The following PLB1 variants were observed in gnomAD, a reference collection of about 807,000 sequenced individuals.
PLB1 encodes phospholipase B1, membrane-associated.
PLB1 carries 242 observed loss-of-function variants against 227.4 expected under a neutral mutation model. That is an observed-to-expected ratio of 1.06 (90% CI 0.96 to 1.18). The LOEUF is 1.18. Among genes scored for constraint, PLB1 ranks in the 50% most tolerant of loss-of-function variants. PLB1 has a pLI of 0.00. For synonymous variants in PLB1, 757 were observed against 682.2 expected (o/e 1.11, Z -1.71); for missense variants, 1,858 against 1,816.3 (o/e 1.02, Z -0.42).
chr2:28,522,609 G>A (rs941046050), intron 4 of PLB1, among the ~76,000 whole-genome samples: 4 of 152,168 alleles, frequency 2.6e-5, no homozygotes, highest in South Asian at 4.1e-4. Flanking sequence ...TCCGCCCAGC[G>A]TTGGTCTCTA....
At chr2:28,578,765 AGT>A (rs1485851018) in intron 22 of PLB1, among the ~76,000 whole-genome samples, 3 of 152,164 alleles carry the variant, frequency 2.0e-5, no homozygotes, top group African/African-American at 4.8e-5. Flanking sequence ...GATTAGGATG[AGT>A]TATGTTATAT....
chr2:28,602,116 CAAGGA>C, intron 38 of PLB1, 152 bp downstream of exon 38: 6 of 737,824 alleles, frequency 8.1e-6, no homozygotes, highest in Non-Finnish European at 1.3e-5. Context: ...GGTCTAACCC[CAAGGA>C]AACCTTATTT....
intron 22 of PLB1, 80 bp downstream of exon 22, chr2:28,578,238 G>T (rs959246487): frequency 9.7e-6 from 14 of 1,440,948 alleles, no homozygotes; most frequent in African/African-American, 1.4e-5. Context: ...GGATGGTTGG[G>T]AGCCCGGCTT....
At chr2:28,531,538 C>T (rs1445616969) in intron 8 of PLB1, among the ~76,000 whole-genome samples, 2 of 152,130 alleles carry the variant, frequency 1.3e-5, no homozygotes. Context: ...CTCGAACTCC[C>T]AACCTCAGGT....
rs1200570620 is a variant in PLB1 at position 28,625,148 on chromosome 2, T to A, written c.3579+40T>A. The A allele has an allele frequency of 4.4e-6, 7 of 1,581,798 alleles. No individual in the cohort carries two copies. The African/African-American group carries it at 8.1e-5, about 18-fold the overall frequency. Reference sequence around the variant, plus strand: ...CCAGGCCACCCCTGAAAGGTGCCCATCTCCTGCTGGCTGGGGAGGGGACAG... The same window carrying A: ...CCAGGCCACCCCTGAAAGGTGCCCAACTCCTGCTGGCTGGGGAGGGGACAG... On this transcript the variant is annotated intron_variant, in intron 50 of 57. Coordinates refer to ENST00000327757, the MANE Select transcript of PLB1 (RefSeq NM_153021.5).
chr2:28,541,799 A>G lies in PLB1; in HGVS notation c.867A>G (p.Pro289=), dbSNP rs1260921068. The G allele has an allele frequency of 6.2e-7, 1 of 1,611,692 alleles. No homozygotes were observed. The change falls in exon 13 of 58, where the codon CCA becomes CCG. Residue 289 remains proline, a synonymous_variant. Transcript: ENST00000327757. ...AGCCTTTCTTCTATGAGACCACCCC[A>G]TCTCTACACTCGGTAAGTGGGGGCT... The part of the protein sequence containing the change: ...VFQPFFYETT[P]SLHSEDPRLQ...
At chr2:28,597,327 C>G (rs183537506) in intron 33 of PLB1, among the ~76,000 whole-genome samples, 1 of 149,550 alleles carries the variant, frequency 6.7e-6, no homozygotes, top group African/African-American at 2.5e-5. Flanking sequence ...GAAAAAGAGA[C>G]ACAGAAGAAA....
Position 28,593,711 on chromosome 2 carries a change from G to C in PLB1, c.2278G>C (p.Asp760His), listed in dbSNP as rs772130117. 6.2e-7 allele frequency: 1 copy of C among 1,614,056 alleles called. No individual in the cohort carries two copies. The highest frequency in any genetic ancestry group is 8.5e-7 in the Non-Finnish European group (1 of 1,180,006). The change falls in exon 33 of 58, where the codon GAC (aspartate) becomes CAC (histidine). Residue 760 changes from aspartate to histidine, a missense_variant. Coordinates refer to ENST00000327757, the MANE Select transcript of PLB1 (RefSeq NM_153021.5). ...CAATGGAATTGGCTCCAAACCAGACGACCTCCCCGATGTCACCACACAGTA... is the reference window on the plus strand; with the variant it reads ...CAATGGAATTGGCTCCAAACCAGACCACCTCCCCGATGTCACCACACAGTA... ...AGNGIGSKPD[D>H]LPDVTTQYRG...
intron 23 of PLB1, 139 bp downstream of exon 23, chr2:28,579,846 C>G (rs1209988816): frequency 1.4e-6 from 1 of 695,188 alleles, no homozygotes; most frequent in Non-Finnish European, 2.6e-6. Flanking sequence ...CTGGGATGAA[C>G]CCTGAGACTG....
chr2:28,551,336 C>T (rs1236038949), intron 16 of PLB1, among the ~76,000 whole-genome samples: 1 of 152,208 alleles, frequency 6.6e-6, no homozygotes, highest in Admixed American at 6.5e-5. Context: ...TTAGGCAGGG[C>T]ACCCTGCACT....
Position 28,621,647 on chromosome 2 carries a change from C to T in PLB1, c.3527+669C>T, listed in dbSNP as rs193002481. Among the ~76,000 whole-genome samples, 123 of 152,130 alleles carry T rather than the reference C, an allele frequency of 8.1e-4. 1 individual carries two copies. Among genetic ancestry groups the T allele is most frequent in the Non-Finnish European group, 1.3e-3 (87 of 68,036 alleles). On this transcript the variant is annotated intron_variant, in intron 49 of 57. Transcript: ENST00000327757. The stretch of plus-strand genomic sequence containing the variant: ...GCCTTGTAGAAGGATCACTATGCTC[C>T]GATCACCAGGGAAACGACACTGGCT...
intron 32 of PLB1, 138 bp downstream of exon 32, chr2:28,592,857 GC>G: frequency 1.4e-6 from 1 of 725,210 alleles, no homozygotes; most frequent in Non-Finnish European, 2.2e-6. Context: ...CCAAGAGCAT[GC>G]CAGTTATTTG....
intron 43 of PLB1, among the ~76,000 whole-genome samples, chr2:28,608,099 C>T (rs1011657367): frequency 2.0e-5 from 3 of 152,190 alleles, no homozygotes; most frequent in Non-Finnish European, 4.4e-5. Flanking sequence ...CCCTTCTAGA[C>T]AGAGCCCAAT....
chr2:28,540,338 C>G (rs1672308308), intron 11 of PLB1, 28 bp from the exon 12 acceptor site: 1 of 1,605,228 alleles, frequency 6.2e-7, no homozygotes, highest in Admixed American at 1.7e-5. Context: ...CCTCCCCTCT[C>G]TCATTCCTGG....
chr2:28,618,509 A>G, intron 46 of PLB1, 110 bp downstream of exon 46: 1 of 1,127,128 alleles, frequency 8.9e-7, no homozygotes, highest in South Asian at 1.3e-5. Context: ...AGCCCGTGTT[A>G]CTGAGGGCCT....
chr2:28,637,298 T>TAA (rs373053880), intron 56 of PLB1, among the ~76,000 whole-genome samples: 32,911 of 120,768 alleles, frequency 0.27, 4,133 homozygotes, highest in Non-Finnish European at 0.33. Flanking sequence ...TGTCTCAAAT[T>TAA]TAAAAAAAAA....
intron 7 of PLB1, 83 bp downstream of exon 7, chr2:28,529,490 C>A: frequency 8.2e-7 from 1 of 1,214,946 alleles, no homozygotes; most frequent in Non-Finnish European, 1.2e-6. Context: ...GGGGGGCTGG[C>A]AAAGTCAAAG....
At position 28,640,971 on chromosome 2, in the gene PLB1, C is replaced by T; in HGVS notation, c.4143C>T (p.His1381=). 5 of 1,613,934 alleles carry T rather than the reference C, an allele frequency of 3.1e-6. No individual in the cohort carries two copies. The highest frequency in any genetic ancestry group is 4.2e-6 in the Non-Finnish European group (5 of 1,179,904). ...GRKTTSNNFT[H]SRAKLKCPSP... ...AGACTACCTCCAACAACTTCACCCA[C>T]AGCCGAGCCAAACTCAAGTGCCCCT... The change falls in exon 57 of 58, where the codon CAC becomes CAT. Residue 1381 remains histidine (H), a synonymous_variant. Coordinates refer to ENST00000327757, the MANE Select transcript of PLB1 (RefSeq NM_153021.5).
In PLB1 at chr2:28,582,447, G is replaced by C; in HGVS notation, c.1675G>C (p.Val559Leu). 1 of 1,613,088 alleles carries C rather than the reference G, an allele frequency of 6.2e-7. No individual in the cohort carries two copies. The highest frequency in any genetic ancestry group is 1.1e-5 in the South Asian group (1 of 90,726). ...GAACCTGGTGACGGTGCTTGAGATC[G>C]TCAACCTGAGGGAGCTGTACCAGGA... ...FVNLVTVLEI[V>L]NLRELYQEKK... The change falls in exon 25 of 58, where the codon GTC (valine) becomes CTC (leucine). Residue 559 changes from valine to leucine, a missense_variant. Transcript: ENST00000327757.
Sources: allele counts gnomAD v4.1 joint callset (sites outside exome capture counted in the v4.1 genomes callset), GRCh38; gene constraint gnomAD v4.1.1; transcripts MANE v1.5; gene names NCBI Gene and HGNC (gene_info 2026-07-23, HGNC 2026-07-21).